FGF13: variants seen among roughly 807,000 people sequenced by gnomAD.
FGF13 encodes fibroblast growth factor 13.
FGF13 carries 2 observed loss-of-function variants against 19.5 expected under a neutral mutation model. That is an observed-to-expected ratio of 0.10 (90% CI 0.04 to 0.32). The LOEUF (loss-of-function observed/expected upper bound fraction) is 0.32, where lower values mean the gene tolerates loss of function less well. FGF13 is among the 10% of genes least tolerant of loss of function. The probability of loss-of-function intolerance (pLI) is 1.00; values close to 1 mark genes in which losing one functional copy is unlikely to be tolerated. For missense variants in FGF13, 113 were observed against 192.7 expected, an observed-to-expected ratio of 0.59 and a Z score of 2.45; for synonymous variants, 72 against 76.9, an observed-to-expected ratio of 0.94 and a Z score of 0.33.
chrX:138,941,874 C>A (rs780047546), intron 1 of FGF13, among the ~76,000 whole-genome samples: 8 of 112,270 alleles, frequency 7.1e-5, no homozygotes, highest in Non-Finnish European at 1.1e-4. Context: ...TCCTGGAGTT[C>A]CTCAAAACCA....
intron 3 of FGF13, among the ~76,000 whole-genome samples, chrX:138,690,774 A>T (rs1006359655): frequency 1.4e-4 from 15 of 111,015 alleles, no homozygotes; most frequent in African/African-American, 4.9e-4. Context: ...TTGTTTCCCT[A>T]TATGGAATCT....
chrX:138,741,487 G>C (rs1018260246), upstream of FGF13, among the ~76,000 whole-genome samples: 1 of 111,575 alleles, frequency 9.0e-6, no homozygotes, highest in Non-Finnish European at 1.9e-5. Context: ...TCTCAGCCAT[G>C]CAGGGCCTTT....
chrX:138,724,685 TACTATTAAAACAGTCTGA>T (rs1180097912), intron 1 of FGF13, among the ~76,000 whole-genome samples: 2 of 112,052 alleles, frequency 1.8e-5, no homozygotes, highest in African/African-American at 6.5e-5. Context: ...CATGTGGAAT[TACTATTAAAACAGTCTGA>T]GCTAAAAACC....
chrX:138,971,200 T>C (rs1281985946), intron 1 of FGF13, among the ~76,000 whole-genome samples: 15 of 111,887 alleles, frequency 1.3e-4, no homozygotes, highest in Non-Finnish European at 1.1e-4. Context: ...CTATTAGCTG[T>C]ATGGCTTTTG....
At chrX:139,021,727 A>G (rs1454467636) in intron 1 of FGF13, among the ~76,000 whole-genome samples, 1 of 111,445 alleles carries the variant, frequency 9.0e-6, no homozygotes, top group Non-Finnish European at 1.9e-5. Flanking sequence ...CCAATAATAA[A>G]TTATTATGAA....
At chrX:138,733,626 C>T (rs1184347008) in intron 1 of FGF13, among the ~76,000 whole-genome samples, 1 of 111,258 alleles carries the variant, frequency 9.0e-6, no homozygotes, top group Admixed American at 9.6e-5. Context: ...CTCAGTTCCC[C>T]TCAGTATTAA....
intron 1 of FGF13, among the ~76,000 whole-genome samples, chrX:139,181,046 C>T (rs1050329800): frequency 8.9e-6 from 1 of 112,161 alleles, no homozygotes; most frequent in African/African-American, 3.2e-5. Context: ...AAAGACAAAC[C>T]GATTCATTTG....
intron 1 of FGF13, among the ~76,000 whole-genome samples, chrX:139,109,636 C>T (rs757679067): frequency 9.0e-6 from 1 of 111,450 alleles, no homozygotes; most frequent in South Asian, 3.8e-4. Flanking sequence ...TCTGAGCACC[C>T]ATTTCTTCAC....
intron 1 of FGF13, among the ~76,000 whole-genome samples, chrX:138,954,094 A>ATGAGAG (rs1332361681): frequency 3.8e-5 from 1 of 26,612 alleles, no homozygotes; most frequent in African/African-American, 1.1e-4. Flanking sequence ...TGTAAATTTA[A>ATGAGAG]CGAGAGAGAG....
intron 3 of FGF13, among the ~76,000 whole-genome samples, chrX:138,751,897 C>T (rs925536547): frequency 3.6e-5 from 4 of 111,779 alleles, no homozygotes; most frequent in Admixed American, 1.9e-4. Context: ...ATTTATGCCT[C>T]ACAACAACCC....
intron 3 of FGF13, among the ~76,000 whole-genome samples, chrX:138,672,611 T>C (rs1474299990): frequency 8.9e-6 from 1 of 112,040 alleles, no homozygotes; most frequent in Non-Finnish European, 1.9e-5. Context: ...CGAAATACGA[T>C]AATCAGGCAT....
intron 1 of FGF13, among the ~76,000 whole-genome samples, chrX:139,174,929 G>T (rs953040992): frequency 8.9e-6 from 1 of 111,987 alleles, no homozygotes; most frequent in African/African-American, 3.2e-5. Context: ...CTAATTCTGT[G>T]AAGAAAGTCA....
At chrX:138,899,921 A>G (rs2091523326) in intron 1 of FGF13, among the ~76,000 whole-genome samples, 1 of 111,737 alleles carries the variant, frequency 8.9e-6, no homozygotes, top group African/African-American at 3.3e-5. Context: ...AATTAGAAAT[A>G]GCACAGTTAT....
In FGF13 at chrX:139,019,390, A is replaced by G. The variant is rs776666833; in HGVS notation, c.-112-154740T>C. ...GGATGAAGGTTCCATTTATTGAAATATGGGAAAAAAGGAGGGAAAGGTAGG... is the reference window on the plus strand; with the variant it reads ...GGATGAAGGTTCCATTTATTGAAATGTGGGAAAAAAGGAGGGAAAGGTAGG... On this transcript the variant is annotated intron_variant, in intron 1 of 2. Transcript: ENST00000421460. Among the ~76,000 whole-genome samples, 5 of 111,448 alleles carry G rather than the reference A, an allele frequency of 4.5e-5. No individual in the cohort carries two copies. In the East Asian group the frequency reaches 1.4e-3, roughly 32 times the overall value.
At chrX:138,765,510 A>G (rs1030960888) in intron 3 of FGF13, among the ~76,000 whole-genome samples, 1 of 112,337 alleles carries the variant, frequency 8.9e-6, no homozygotes, top group African/African-American at 3.2e-5. Flanking sequence ...AAAACACCCA[A>G]GACATCTTTC....
At chrX:139,118,719 T>C (rs993123529) in intron 1 of FGF13, among the ~76,000 whole-genome samples, 3 of 111,315 alleles carry the variant, frequency 2.7e-5, no homozygotes, top group Admixed American at 9.6e-5. Context: ...CCACCAGAAC[T>C]CCCTGAGAGC....
intron 1 of FGF13, among the ~76,000 whole-genome samples, chrX:139,011,361 C>CAAAAAAAAAAAAAAAAA (rs3047329): frequency 2.4e-5 from 2 of 82,924 alleles, no homozygotes; most frequent in Non-Finnish European, 4.6e-5. Context: ...AACAAACAAA[C>CAAAAAAAAAAAAAAAAA]AAAAAAAAAA....
At chrX:138,951,240 T>C (rs774073989) in intron 1 of FGF13, among the ~76,000 whole-genome samples, 9 of 111,649 alleles carry the variant, frequency 8.1e-5, no homozygotes, top group Non-Finnish European at 1.7e-4. Flanking sequence ...ATAACAATTA[T>C]CTCATGGACT....
intron 1 of FGF13, chrX:138,985,068 T>C: frequency 2.7e-6 from 1 of 372,619 alleles, no homozygotes; most frequent in Non-Finnish European, 5.4e-6. Context: ...CCCTACTTTT[T>C]TCATGCTTGT....
Sources: gnomAD v4.1 joint callset for allele counts (sites outside exome capture counted in the v4.1 genomes callset) on GRCh38, gnomAD v4.1.1 for gene constraint, MANE v1.5 for transcripts, NCBI Gene and HGNC (gene_info 2026-07-23, HGNC 2026-07-21) for gene names.